Variants in PDSS2 observed in about 807,000 individuals in gnomAD.
The protein encoded by PDSS2 is all trans-polyprenyl-diphosphate synthase PDSS2.
In PDSS2, 31 loss-of-function variants were observed where a neutral mutation model predicts 44.5. The observed-to-expected ratio is 0.70, with a 90% CI of 0.52 to 0.94. PDSS2 has a LOEUF of 0.94. Among genes scored for constraint, PDSS2 ranks in the 40% least tolerant of loss-of-function variants. The probability of loss-of-function intolerance (pLI) is 0.00; values close to 1 mark genes in which losing one functional copy is unlikely to be tolerated. For missense variants in PDSS2, 452 were observed against 482.2 expected (o/e 0.94, Z 0.59); for synonymous variants, 157 against 180.3 (o/e 0.87, Z 1.03).
intron 1 of PDSS2, among the ~76,000 whole-genome samples, chr6:107,456,325 A>G (rs1782043248): frequency 1.3e-5 from 2 of 152,224 alleles, no homozygotes. Flanking sequence ...CTGTCTGAAA[A>G]TAAATAAACA....
At chr6:107,279,296 A>G (rs1003267755) in intron 2 of PDSS2, among the ~76,000 whole-genome samples, 2 of 152,206 alleles carry the variant, frequency 1.3e-5, no homozygotes, top group African/African-American at 4.8e-5. Flanking sequence ...AATAAGCCAA[A>G]GTTATCAATG....
intron 4 of PDSS2, 33 bp downstream of exon 4, chr6:107,245,515 A>G (rs764841952): frequency 3.2e-6 from 4 of 1,237,554 alleles, no homozygotes; most frequent in Non-Finnish European, 4.7e-6. Flanking sequence ...GACGGTTTAT[A>G]ACATAACATT....
At chr6:107,388,351 A>C (rs1779674276) in intron 1 of PDSS2, among the ~76,000 whole-genome samples, 1 of 152,250 alleles carries the variant, frequency 6.6e-6, no homozygotes. Flanking sequence ...TTCTTATAAA[A>C]TTAGAAATAG....
At chr6:107,264,131 C>G (rs1056496239) in intron 3 of PDSS2, 11 of 499,616 alleles carry the variant, frequency 2.2e-5, no homozygotes, top group Admixed American at 5.2e-5. Flanking sequence ...TTTTAGGTTT[C>G]AATTTAACAT....
chr6:107,308,944 C>T (rs1776947987), intron 2 of PDSS2, among the ~76,000 whole-genome samples: 1 of 152,176 alleles, frequency 6.6e-6, no homozygotes, highest in South Asian at 2.1e-4. Context: ...TGGGTGTCTC[C>T]TCTAGACAGT....
At chr6:107,335,681 T>C (rs1777863462) in intron 1 of PDSS2, among the ~76,000 whole-genome samples, 3 of 152,110 alleles carry the variant, frequency 2.0e-5, no homozygotes. Context: ...GTATTACAAA[T>C]GGTTGTCATT....
chr6:107,219,833 T>C (rs1391093316), intron 4 of PDSS2, among the ~76,000 whole-genome samples: 1 of 152,212 alleles, frequency 6.6e-6, no homozygotes, highest in East Asian at 1.9e-4. Flanking sequence ...AAATGAATAG[T>C]ACCTGTTTAT....
intron 2 of PDSS2, among the ~76,000 whole-genome samples, chr6:107,293,375 G>A (rs1776407769): frequency 6.6e-6 from 1 of 152,166 alleles, no homozygotes. Flanking sequence ...CTGCAGCACA[G>A]TTTTACATGA....
chr6:107,451,150 G>A (rs12206310), intron 1 of PDSS2, among the ~76,000 whole-genome samples: 7,353 of 152,258 alleles, frequency 0.048, 359 homozygotes, highest in African/African-American at 0.12. Flanking sequence ...AATTTTATAA[G>A]AAATTGTTAT....
intron 2 of PDSS2, among the ~76,000 whole-genome samples, chr6:107,279,405 A>G (rs776906369): frequency 2.6e-5 from 4 of 152,172 alleles, no homozygotes; most frequent in Non-Finnish European, 5.9e-5. Flanking sequence ...TATATTAAGA[A>G]CAGGCTTAAT....
intron 2 of PDSS2, among the ~76,000 whole-genome samples, chr6:107,322,957 G>A (rs986787441): frequency 5.3e-5 from 8 of 152,218 alleles, no homozygotes; most frequent in Admixed American, 5.2e-4. Flanking sequence ...CAGAGAATCT[G>A]CCCTCTTTGC....
rs1782169491 is a variant in PDSS2 at position 107,459,280 on chromosome 6, G to A, written c.6C>T (p.Asn2=). ...GCAAGTGCAACAGCAGCTGCCGAAA[G>A]TTCATGGTTTGAGTCTGGAAGGGTC... M[N]FRQLLLHLPR... Residue 2 remains asparagine, a synonymous_variant, in exon 1 of 8, where the codon AAC becomes AAT. Transcript: ENST00000369037. The surrounding 1 kb of genome is among the most constrained non-coding windows in gnomAD (Gnocchi z 4.3). 1 of 1,614,000 alleles carries A rather than the reference G, an allele frequency of 6.2e-7. No individual in the cohort carries two copies.
intron 1 of PDSS2, among the ~76,000 whole-genome samples, chr6:107,453,020 T>C (rs138777145): frequency 2.0e-5 from 3 of 152,248 alleles, no homozygotes; most frequent in East Asian, 1.9e-4. Flanking sequence ...TTTTTTGGTG[T>C]CATGTCTAAG....
At chr6:107,323,571 A>G (rs1257534833) in intron 2 of PDSS2, among the ~76,000 whole-genome samples, 1 of 152,222 alleles carries the variant, frequency 6.6e-6, no homozygotes, top group African/African-American at 2.4e-5. Flanking sequence ...CTGGCCCTTC[A>G]TCTATGCCTT....
At chr6:107,445,230 T>C (rs1316031470) in intron 1 of PDSS2, among the ~76,000 whole-genome samples, 8 of 151,768 alleles carry the variant, frequency 5.3e-5, no homozygotes, top group Admixed American at 3.3e-4. Context: ...TACATTTAGT[T>C]AGGGAAACAG....
chr6:107,283,187 T>C (rs889284285), intron 2 of PDSS2, among the ~76,000 whole-genome samples: 6 of 151,510 alleles, frequency 4.0e-5, no homozygotes, highest in African/African-American at 1.5e-4. Context: ...TAGCCAGGTA[T>C]GGTGGTGTGT....
At chr6:107,420,295 T>C (rs1049417330) in intron 1 of PDSS2, among the ~76,000 whole-genome samples, 1 of 152,112 alleles carries the variant, frequency 6.6e-6, no homozygotes, top group Non-Finnish European at 1.5e-5. Flanking sequence ...CCAGAACCAG[T>C]CCCACACAGA....
intron 3 of PDSS2, among the ~76,000 whole-genome samples, chr6:107,265,581 TATAAA>T (rs1775387091): frequency 6.6e-6 from 1 of 152,198 alleles, no homozygotes; most frequent in Non-Finnish European, 1.5e-5. Context: ...TTTTCTTTCT[TATAAA>T]AGAAAACTAA....
chr6:107,430,134 C>A (rs991198728), intron 1 of PDSS2, among the ~76,000 whole-genome samples: 1 of 151,850 alleles, frequency 6.6e-6, no homozygotes, highest in Non-Finnish European at 1.5e-5. Context: ...ATAACTCACA[C>A]ATCCACTGTA....
Sources: gnomAD v4.1 joint callset for allele counts (sites outside exome capture counted in the v4.1 genomes callset) on GRCh38, gnomAD v4.1.1 for gene constraint, Gnocchi (gnomAD v3.1) non-coding constraint, MANE v1.5 for transcripts, NCBI Gene and HGNC (gene_info 2026-07-23, HGNC 2026-07-21) for gene names.